Variants in NRXN2 observed in about 807,000 individuals in gnomAD.
The protein encoded by NRXN2 is neurexin 2.
A neutral mutation model predicts 128.8 loss-of-function variants in NRXN2; 29 were observed. The observed-to-expected ratio is 0.23, with a 90% CI of 0.17 to 0.31. The LOEUF (loss-of-function observed/expected upper bound fraction) is 0.31, where lower values mean the gene tolerates loss of function less well. NRXN2 is among the 10% of genes least tolerant of loss of function. The pLI is 1.00. For missense variants in NRXN2, 1,881 were observed against 2,452.6 expected (o/e 0.77, Z 4.92); for synonymous variants, 1,098 against 1,075.2 (o/e 1.02, Z -0.41).
chr11:64,694,259 GC>G (rs1436280656), intron 3 of NRXN2, among the ~76,000 whole-genome samples: 1 of 152,220 alleles, frequency 6.6e-6, no homozygotes, highest in Non-Finnish European at 1.5e-5. Context: ...GCCCTGCAGT[GC>G]CACTGTCACC....
At chr11:64,717,994 G>A (rs1020684026) in intron 1 of NRXN2, among the ~76,000 whole-genome samples, 2 of 152,156 alleles carry the variant, frequency 1.3e-5, no homozygotes, top group Admixed American at 6.5e-5. Flanking sequence ...GAGCTCATGG[G>A]GTTCATCTTC....
At chr11:64,611,401 G>T (rs1000447959) in intron 22 of NRXN2, among the ~76,000 whole-genome samples, 2 of 152,200 alleles carry the variant, frequency 1.3e-5, no homozygotes, top group South Asian at 4.1e-4. Flanking sequence ...GGAAACCCCA[G>T]CGTCAAGGCT....
At chr11:64,671,794 G>C (rs765613663) in intron 7 of NRXN2, among the ~76,000 whole-genome samples, 1 of 151,894 alleles carries the variant, frequency 6.6e-6, no homozygotes, top group Non-Finnish European at 1.5e-5. Context: ...AGACACTTAT[G>C]GGTTGAAAAA....
At chr11:64,704,122 C>T (rs2055872659) in intron 2 of NRXN2, among the ~76,000 whole-genome samples, 1 of 152,098 alleles carries the variant, frequency 6.6e-6, no homozygotes, top group South Asian at 2.1e-4. Context: ...ACTGTCAGGA[C>T]CACAGGTACT....
rs529043856 is a variant in NRXN2 at position 64,708,982 on chromosome 11, G to A, written c.730+3988C>T. ...CAATGCGGGCGGATCACTTGAGGCCGGGAGTTCGAGACCAGCCTGACCAAC... is the reference window on the plus strand; with the variant it reads ...CAATGCGGGCGGATCACTTGAGGCCAGGAGTTCGAGACCAGCCTGACCAAC... On this transcript the variant is annotated intron_variant, in intron 2 of 22. Coordinates refer to ENST00000265459, the MANE Select transcript of NRXN2 (RefSeq NM_015080.4). Among the ~76,000 whole-genome samples the A allele has an allele frequency of 7.9e-5, 12 of 152,072 alleles. No homozygotes were observed. In the East Asian group the frequency reaches 1.7e-3, roughly 22 times the overall value.
chr11:64,699,216 A>C (rs2054952197), intron 2 of NRXN2, among the ~76,000 whole-genome samples: 1 of 152,070 alleles, frequency 6.6e-6, no homozygotes, highest in Non-Finnish European at 1.5e-5. Context: ...CTACTACATA[A>C]CACTAGACAC....
intron 2 of NRXN2, among the ~76,000 whole-genome samples, chr11:64,708,318 A>G (rs1444763103): frequency 6.6e-6 from 1 of 152,202 alleles, no homozygotes; most frequent in African/African-American, 2.4e-5. Flanking sequence ...AATAGTATAC[A>G]CCTGACACTC....
At chr11:64,689,173 C>T (rs541347411) in intron 5 of NRXN2, among the ~76,000 whole-genome samples, 72 of 152,108 alleles carry the variant, frequency 4.7e-4, no homozygotes, top group Admixed American at 4.4e-3. Context: ...CACAAATAAA[C>T]GACTCATGCC....
At chr11:64,715,608 G>A (rs750637096) in intron 1 of NRXN2, among the ~76,000 whole-genome samples, 3 of 152,102 alleles carry the variant, frequency 2.0e-5, no homozygotes, top group Non-Finnish European at 4.4e-5. Context: ...GGGAGCGTTG[G>A]GGGAGCCATC....
rs930989790 is a variant in NRXN2 at position 64,648,082 on chromosome 11, C to CT, written c.3403+136dup. 7.1e-6 allele frequency: 9 copies of CT among 1,276,402 alleles called. No homozygotes were observed. Among genetic ancestry groups the CT allele is most frequent in the Non-Finnish European group, 1.0e-5 (9 of 898,156 alleles). The allele number at this position is 1,276,402 out of a possible 1,614,324, so 79.1% of individuals were successfully genotyped here. A position where few individuals can be genotyped will look rare whatever the true frequency, so the allele number is the denominator to read the frequency against. On this transcript the variant is annotated intron_variant, in intron 17 of 22. Coordinates refer to ENST00000265459, the MANE Select transcript of NRXN2 (RefSeq NM_015080.4). This position sits in a 1 kb window ranked among gnomAD's most constrained non-coding sequence, Gnocchi z 4.1. ...AGCAGGCCACAGCTCCCCTGGGACT[C>CT]TGCAGACAAGGGATGAGAAGGAAGA...
chr11:64,702,810 T>A (rs1375724539), intron 2 of NRXN2, among the ~76,000 whole-genome samples: 7 of 142,208 alleles, frequency 4.9e-5, no homozygotes, highest in South Asian at 2.2e-4. Flanking sequence ...AAAAAAAAAA[T>A]TAGAAAAAAA....
intron 7 of NRXN2, among the ~76,000 whole-genome samples, chr11:64,672,680 T>C (rs1176730325): frequency 6.6e-6 from 1 of 152,056 alleles, no homozygotes; most frequent in Admixed American, 6.6e-5. Flanking sequence ...TGGCATCCCC[T>C]TAGGATTGAG....
intron 7 of NRXN2, among the ~76,000 whole-genome samples, chr11:64,674,750 C>T (rs1453880139): frequency 6.6e-6 from 1 of 152,196 alleles, no homozygotes; most frequent in Non-Finnish European, 1.5e-5. Context: ...CTTTACAAAA[C>T]ATCCCTGCCC....
In NRXN2 at chr11:64,668,556, C is replaced by T; in HGVS notation, c.1246G>A (p.Glu416Lys). The change falls in exon 8 of 23, where the codon GAG becomes AAG. Residue 416 changes from glutamate to lysine, a missense_variant. Glu to Lys is a moderately conservative substitution (Grantham distance 56, BLOSUM62 1). This residue lies in a region of NRXN2 where 997 missense variants were observed against 1,240.8 expected (regional missense o/e 0.80). Coordinates refer to ENST00000265459, the MANE Select transcript of NRXN2 (RefSeq NM_015080.4). ...GILTTTGYTQ[E>K]DYTMLGSDDF... is the part of the protein sequence containing the mutation. ...TCAGAGCCCAGCATGGTGTAATCCTCCTGCGTGTAGCCTGTGGTGGTCAGG... is the reference window on the plus strand; with the variant it reads ...TCAGAGCCCAGCATGGTGTAATCCTTCTGCGTGTAGCCTGTGGTGGTCAGG... The T allele has an allele frequency of 6.2e-7, 1 of 1,614,036 alleles. No individual in the cohort carries two copies. The highest frequency in any genetic ancestry group is 8.5e-7 in the Non-Finnish European group (1 of 1,180,016).
chr11:64,721,763 G>C (rs1281899397), intron 1 of NRXN2, among the ~76,000 whole-genome samples: 1 of 152,050 alleles, frequency 6.6e-6, no homozygotes, highest in Non-Finnish European at 1.5e-5. Context: ...GGATAAGAAT[G>C]AATGGAAGAG....
At chr11:64,697,884 G>A in intron 2 of NRXN2, 92 bp from the exon 3 acceptor site, 1 of 1,486,174 alleles carries the variant, frequency 6.7e-7, no homozygotes, top group Non-Finnish European at 9.3e-7. Context: ...GGCTCCAAGG[G>A]GAGAGAGGAG....
rs1482567921 is a variant in NRXN2 at position 64,661,016 on chromosome 11, A to C, written c.1922T>G (p.Leu641Arg). The change falls in exon 10 of 23, where the codon CTG becomes CGG. Residue 641 changes from leucine (L) to arginine (R), a missense_variant. Coordinates refer to ENST00000265459, the MANE Select transcript of NRXN2 (RefSeq NM_015080.4). The part of the protein sequence containing the change: ...LPEGGRVDLP[L>R]PPEVWTAALR... ...TGCTGCTGTCCACACCTCTGGGGGC[A>C]GGGGCAGGTCCACCCGGCCCCCCTC... 2 of 1,613,528 alleles carry C rather than the reference A, an allele frequency of 1.2e-6. No individual in the cohort carries two copies. Among genetic ancestry groups the C allele is most frequent in the African/African-American group, 2.7e-5 (2 of 74,926 alleles).
At chr11:64,690,680 C>A (rs1337352121) in intron 4 of NRXN2, among the ~76,000 whole-genome samples, 2 of 152,066 alleles carry the variant, frequency 1.3e-5, no homozygotes, top group Admixed American at 1.3e-4. Context: ...CCCCACAGAC[C>A]CCATCAGATT....
chr11:64,692,953 GA>G, intron 3 of NRXN2, 77 bp from the exon 4 acceptor site: 5 of 1,226,066 alleles, frequency 4.1e-6, no homozygotes, highest in Non-Finnish European at 5.9e-6. Flanking sequence ...AAGAAACAAA[GA>G]AAACACGAGT....
Sources: gnomAD v4.1 joint callset for allele counts (sites outside exome capture counted in the v4.1 genomes callset) on GRCh38, gnomAD v4.1.1 for gene constraint, gnomAD v4.1.1 regional missense constraint, Gnocchi (gnomAD v3.1) non-coding constraint, MANE v1.5 for transcripts, NCBI Gene and HGNC (gene_info 2026-07-23, HGNC 2026-07-21) for gene names.